ENPEP: variants seen among roughly 807,000 people sequenced by gnomAD.
The protein encoded by ENPEP is AP-A.
ENPEP carries 103 observed loss-of-function variants against 114.5 expected under a neutral mutation model. That is an observed-to-expected ratio of 0.90 (90% CI 0.77 to 1.06). The LOEUF (loss-of-function observed/expected upper bound fraction) is 1.06, where lower values mean the gene tolerates loss of function less well. ENPEP is among the 50% of genes least tolerant of loss of function. The pLI is 0.00. For missense variants in ENPEP, 1,196 were observed against 1,161.3 expected, an observed-to-expected ratio of 1.03 and a Z score of -0.43; for synonymous variants, 420 against 422.0, an observed-to-expected ratio of 1.00 and a Z score of 0.06.
chr4:110,546,895 G>A (rs1303418317), intron 13 of ENPEP, among the ~76,000 whole-genome samples: 2 of 152,012 alleles, frequency 1.3e-5, no homozygotes, highest in African/African-American at 4.8e-5. Flanking sequence ...GGAACTTTAT[G>A]CCCTTCACAC....
At chr4:110,545,039 C>T (rs1727002776) in intron 13 of ENPEP, among the ~76,000 whole-genome samples, 1 of 152,082 alleles carries the variant, frequency 6.6e-6, no homozygotes, top group Admixed American at 6.6e-5. Context: ...ATTCAACGAG[C>T]ATTGGTTAGA....
chr4:110,560,523 T>G (rs1422049309), intron 19 of ENPEP, among the ~76,000 whole-genome samples: 1 of 152,166 alleles, frequency 6.6e-6, no homozygotes, highest in Admixed American at 6.5e-5. Flanking sequence ...CTATTTTTTT[T>G]CTAAACATAA....
rs1268187612 is a variant in ENPEP at position 110,491,121 on chromosome 4, A to G, written c.875A>G (p.His292Arg). ...MSTYLVCFAV[H>R]QFDSVKRISN... ...ACGTACCTGGTGTGCTTTGCTGTAC[A>G]TCAATTTGACTCTGTAAAGAGAATA... The change falls in exon 3 of 20, where the codon CAT becomes CGT. Residue 292 changes from histidine (H) to arginine (R), a missense_variant. By Grantham distance (29) the His-to-Arg change is conservative. Transcript: ENST00000265162. The G allele has an allele frequency of 1.2e-6, 2 of 1,611,818 alleles. No individual in the cohort carries two copies. The highest frequency in any genetic ancestry group is 2.2e-5 in the East Asian group (1 of 44,862).
intron 13 of ENPEP, among the ~76,000 whole-genome samples, chr4:110,544,690 A>T (rs1186453817): frequency 6.6e-6 from 1 of 152,146 alleles, no homozygotes; most frequent in African/African-American, 2.4e-5. Flanking sequence ...TAGAAATTAC[A>T]AAGAACTGTA....
At chr4:110,483,456 G>A (rs1724388359) in intron 1 of ENPEP, among the ~76,000 whole-genome samples, 1 of 151,922 alleles carries the variant, frequency 6.6e-6, no homozygotes, top group African/African-American at 2.4e-5. Flanking sequence ...AGATAATTAG[G>A]TACCTTTTTT....
chr4:110,485,487 G>A (rs1210225530), intron 1 of ENPEP, among the ~76,000 whole-genome samples: 1 of 152,060 alleles, frequency 6.6e-6, no homozygotes, highest in Non-Finnish European at 1.5e-5. Flanking sequence ...AAGCACGGGG[G>A]CATTCTCTAA....
intron 7 of ENPEP, among the ~76,000 whole-genome samples, chr4:110,514,861 T>C (rs1314771958): frequency 6.6e-6 from 1 of 152,138 alleles, no homozygotes; most frequent in African/African-American, 2.4e-5. Context: ...GATAGACTAC[T>C]GAGAAGAGAA....
chr4:110,546,180 C>T (rs1727049686), intron 13 of ENPEP, among the ~76,000 whole-genome samples: 1 of 151,932 alleles, frequency 6.6e-6, no homozygotes, highest in Non-Finnish European at 1.5e-5. Context: ...GGTGGGCTAT[C>T]AGCAAAGAGC....
At chr4:110,507,198 C>T (rs1725405046) in intron 4 of ENPEP, among the ~76,000 whole-genome samples, 1 of 152,126 alleles carries the variant, frequency 6.6e-6, no homozygotes, top group Non-Finnish European at 1.5e-5. Context: ...CCAGTCTTTC[C>T]ATTGTTGTAC....
chr4:110,520,467 AC>A, intron 10 of ENPEP, 101 bp downstream of exon 10: 1 of 1,249,484 alleles, frequency 8.0e-7, no homozygotes, highest in Non-Finnish European at 1.1e-6. Context: ...TGAGTGATAT[AC>A]AAGTATAAAG....
chr4:110,507,746 C>A (rs942891885), intron 4 of ENPEP, among the ~76,000 whole-genome samples: 1 of 152,222 alleles, frequency 6.6e-6, no homozygotes, highest in Non-Finnish European at 1.5e-5. Context: ...GAGGCCCAGG[C>A]GGGCGGATCG....
intron 6 of ENPEP, 113 bp downstream of exon 6, chr4:110,510,471 G>C: frequency 1.1e-6 from 1 of 879,206 alleles, no homozygotes; most frequent in East Asian, 2.6e-5. Flanking sequence ...GTGGTGAGCG[G>C]GGAATTCCAC....
intron 4 of ENPEP, among the ~76,000 whole-genome samples, chr4:110,507,621 T>G (rs1725419659): frequency 6.6e-6 from 1 of 152,244 alleles, no homozygotes. Context: ...ACAATTCTAT[T>G]TTTTGATTGC....
At chr4:110,523,656 G>T (rs1257160089) in intron 10 of ENPEP, among the ~76,000 whole-genome samples, 1 of 152,150 alleles carries the variant, frequency 6.6e-6, no homozygotes, top group East Asian at 1.9e-4. Flanking sequence ...AATGGAAAAT[G>T]TAAACATTTT....
chr4:110,478,678 A>G (rs868747106), intron 1 of ENPEP, among the ~76,000 whole-genome samples: 30 of 152,304 alleles, frequency 2.0e-4, no homozygotes, highest in Middle Eastern at 3.4e-3. Flanking sequence ...GACTCAAGCA[A>G]TCCTCCTGCC....
chr4:110,527,038 G>A (rs994105634), intron 10 of ENPEP, among the ~76,000 whole-genome samples: 26 of 152,052 alleles, frequency 1.7e-4, no homozygotes, highest in African/African-American at 6.3e-4. Context: ...TTCATGATGG[G>A]TACTCTATAA....
At chr4:110,519,480 T>C (rs1325484866) in intron 8 of ENPEP, 5 of 166,842 alleles carry the variant, frequency 3.0e-5, no homozygotes, top group African/African-American at 1.2e-4. Flanking sequence ...TAAATCACAC[T>C]ATATTTGAAA....
intron 18 of ENPEP, among the ~76,000 whole-genome samples, chr4:110,555,663 T>A (rs1377684856): frequency 6.6e-6 from 1 of 152,012 alleles, no homozygotes; most frequent in African/African-American, 2.4e-5. Flanking sequence ...TGACAGTAGA[T>A]GAAAAACTAA....
chr4:110,480,890 C>G (rs1277380949), intron 1 of ENPEP, among the ~76,000 whole-genome samples: 1 of 151,078 alleles, frequency 6.6e-6, no homozygotes, highest in Admixed American at 6.6e-5. Flanking sequence ...CTGAGGAAAA[C>G]CACTTGGAAG....
Sources: allele counts gnomAD v4.1 joint callset (sites outside exome capture counted in the v4.1 genomes callset), GRCh38; gene constraint gnomAD v4.1.1; transcripts MANE v1.5; gene names NCBI Gene and HGNC (gene_info 2026-07-23, HGNC 2026-07-21).